The following WWOX variants were observed in gnomAD, a reference collection of about 807,000 sequenced individuals.
WWOX encodes WW domain-containing oxidoreductase.
Under a neutral mutation model 46.2 loss-of-function variants are expected in WWOX, and 69 were observed. The observed-to-expected ratio is 1.49, with a 90% CI of 1.23 to 1.82. WWOX has a LOEUF of 1.82. Ranked by LOEUF, WWOX falls within the 40% of genes most tolerant of loss-of-function variation. The pLI is 0.00. For synonymous variants in WWOX, 359 were observed against 202.6 expected, an observed-to-expected ratio of 1.77 and a Z score of -6.56; for missense variants, 919 against 542.6, an observed-to-expected ratio of 1.69 and a Z score of -6.89.
intron 8 of WWOX, among the ~76,000 whole-genome samples, chr16:79,031,900 CTA>C (rs72394888): frequency 0.45 from 29,415 of 64,854 alleles, 3,927 homozygotes; most frequent in East Asian, 0.52. Flanking sequence ...ATACAGATAT[CTA>C]TATATATAGA....
At chr16:78,829,581 T>C (rs2051758479) in intron 8 of WWOX, among the ~76,000 whole-genome samples, 1 of 152,166 alleles carries the variant, frequency 6.6e-6, no homozygotes, top group Admixed American at 6.5e-5. Flanking sequence ...TTTTTATTTT[T>C]GGTGTTGTCA....
chr16:78,601,756 G>GT (rs2045628322), intron 8 of WWOX, among the ~76,000 whole-genome samples: 1 of 152,200 alleles, frequency 6.6e-6, no homozygotes, highest in South Asian at 2.1e-4. Flanking sequence ...TAGGGAGACA[G>GT]TAATGGTATT....
intron 8 of WWOX, among the ~76,000 whole-genome samples, chr16:78,631,250 A>G (rs528181966): frequency 1.5e-4 from 23 of 152,258 alleles, no homozygotes; most frequent in African/African-American, 5.3e-4. Flanking sequence ...CAGTCGTGAC[A>G]TCTCATCCAC....
At chr16:78,334,641 A>T (rs2080837994) in intron 5 of WWOX, among the ~76,000 whole-genome samples, 1 of 152,204 alleles carries the variant, frequency 6.6e-6, no homozygotes, top group Non-Finnish European at 1.5e-5. Context: ...TATATGTATT[A>T]TAAATCCAAG....
At chr16:78,656,865 C>T (rs953174358) in intron 8 of WWOX, among the ~76,000 whole-genome samples, 2 of 152,116 alleles carry the variant, frequency 1.3e-5, no homozygotes, top group Admixed American at 1.3e-4. Context: ...AACAGGAAGA[C>T]ATTTAGGGGA....
rs200232807 is a variant in WWOX at position 78,339,387 on chromosome 16, C to A, written c.517-47473C>A. On this transcript the variant is annotated intron_variant, in intron 5 of 8. Transcript: ENST00000566780. ...ATTAGAAAAAAAAAAAAAAACAACT[C>A]CCCTGGAGCCTTTGTACCTTCTGCA... is the stretch of plus-strand genomic sequence containing the variant. Among the ~76,000 whole-genome samples, 20 of 114,894 alleles carry A rather than the reference C, an allele frequency of 1.7e-4. No homozygotes were observed. In the East Asian group the frequency reaches 3.9e-3, roughly 22 times the overall value. The allele number at this position is 114,894 out of a possible 152,430, so 75.4% of individuals were successfully genotyped here.
chr16:78,863,975 A>T (rs1231736382), intron 8 of WWOX, among the ~76,000 whole-genome samples: 1 of 152,170 alleles, frequency 6.6e-6, no homozygotes, highest in Non-Finnish European at 1.5e-5. Context: ...TGGATATACC[A>T]AATATTTTTC....
chr16:78,674,873 G>A (rs957501638), intron 8 of WWOX, among the ~76,000 whole-genome samples: 2 of 150,550 alleles, frequency 1.3e-5, no homozygotes, highest in African/African-American at 2.4e-5. Flanking sequence ...GATAAAGTCA[G>A]TATACAATGT....
intron 5 of WWOX, among the ~76,000 whole-genome samples, chr16:78,350,170 C>T (rs1378731475): frequency 8.3e-6 from 1 of 121,198 alleles, no homozygotes; most frequent in African/African-American, 2.8e-5. Flanking sequence ...ACAATCTCAT[C>T]AGAGTCCCAA....
intron 5 of WWOX, among the ~76,000 whole-genome samples, chr16:78,191,656 A>T: frequency 6.6e-6 from 1 of 152,152 alleles, no homozygotes; most frequent in South Asian, 2.1e-4. Context: ...ATTAACATAG[A>T]TTTCCCACAT....
chr16:79,119,280 AAC>A (rs1211126432), intron 8 of WWOX, among the ~76,000 whole-genome samples: 4 of 152,234 alleles, frequency 2.6e-5, no homozygotes, highest in Non-Finnish European at 5.9e-5. Flanking sequence ...AATCCAGAGA[AAC>A]ACAGCGGAAA....
At chr16:79,143,538 T>G (rs569423828) in intron 8 of WWOX, among the ~76,000 whole-genome samples, 1 of 152,340 alleles carries the variant, frequency 6.6e-6, no homozygotes, top group Non-Finnish European at 1.5e-5. Context: ...GGAGTTTTAT[T>G]CTTGATACAT....
chr16:78,207,912 A>G (rs974703030), intron 5 of WWOX, among the ~76,000 whole-genome samples: 4 of 152,130 alleles, frequency 2.6e-5, no homozygotes, highest in African/African-American at 7.2e-5. Context: ...TCCTGGGCTC[A>G]AGCAATCCTC....
At chr16:78,226,887 G>A (rs2037079035) in intron 5 of WWOX, among the ~76,000 whole-genome samples, 2 of 152,154 alleles carry the variant, frequency 1.3e-5, no homozygotes, top group Admixed American at 1.3e-4. Flanking sequence ...TCCAGTAAAT[G>A]CACCCCTTGC....
intron 8 of WWOX, among the ~76,000 whole-genome samples, chr16:78,833,107 T>A (rs913447642): frequency 8.6e-5 from 13 of 150,862 alleles, no homozygotes; most frequent in Non-Finnish European, 1.8e-4. Flanking sequence ...AGTGGTACAA[T>A]CAGAGATCAC....
intron 1 of WWOX, among the ~76,000 whole-genome samples, chr16:78,108,128 A>G (rs141139528): frequency 3.3e-5 from 5 of 151,376 alleles, no homozygotes; most frequent in Non-Finnish European, 7.4e-5. Context: ...GGGTTTCACC[A>G]TGTTGGCCAG....
intron 8 of WWOX, among the ~76,000 whole-genome samples, chr16:79,172,290 G>A (rs1253761670): frequency 6.6e-6 from 1 of 152,198 alleles, no homozygotes; most frequent in Non-Finnish European, 1.5e-5. Flanking sequence ...TTGGCACGTA[G>A]GAATGTATTA....
intron 7 of WWOX, among the ~76,000 whole-genome samples, chr16:78,429,120 C>T (rs908041815): frequency 1.3e-5 from 2 of 152,156 alleles, no homozygotes; most frequent in Non-Finnish European, 2.9e-5. Flanking sequence ...TAGTAAGCAA[C>T]ACTCAAGAAT....
At chr16:78,143,164 C>T (rs999473219) in intron 4 of WWOX, among the ~76,000 whole-genome samples, 4 of 152,220 alleles carry the variant, frequency 2.6e-5, no homozygotes, top group African/African-American at 9.7e-5. Context: ...ATATTGAATA[C>T]TTAGAAAATT....
Sources: allele counts gnomAD v4.1 joint callset (sites outside exome capture counted in the v4.1 genomes callset), GRCh38; gene constraint gnomAD v4.1.1; transcripts MANE v1.5; gene names NCBI Gene and HGNC (gene_info 2026-07-23, HGNC 2026-07-21).